EPHA5: variants seen among roughly 807,000 people sequenced by gnomAD.
The protein encoded by EPHA5 is ephrin type-A receptor 5.
EPHA5 carries 60 observed loss-of-function variants against 105.0 expected under a neutral mutation model. The ratio of observed to expected loss-of-function variants is 0.57; its 90% CI spans 0.46 to 0.71. The LOEUF is 0.71. Among genes scored for constraint, EPHA5 ranks in the 30% least tolerant of loss-of-function variants. The pLI, the probability that EPHA5 is intolerant of heterozygous loss-of-function variation, is 0.00. For synonymous variants in EPHA5, 513 were observed against 449.1 expected (o/e 1.14, Z -1.80); for missense variants, 1,218 against 1,274.7 (o/e 0.96, Z 0.68).
At chr4:65,409,040 G>A (rs1722652573) in intron 7 of EPHA5, among the ~76,000 whole-genome samples, 1 of 148,158 alleles carries the variant, frequency 6.7e-6, no homozygotes, top group South Asian at 2.2e-4. Flanking sequence ...GTCCTTTTTA[G>A]GGACATGGAT....
At chr4:65,499,256 T>G (rs1732250339) in intron 3 of EPHA5, among the ~76,000 whole-genome samples, 3 of 151,678 alleles carry the variant, frequency 2.0e-5, no homozygotes, top group South Asian at 4.1e-4. Flanking sequence ...ATAAAATGTA[T>G]CCTTCTTCAT....
intron 3 of EPHA5, among the ~76,000 whole-genome samples, chr4:65,567,769 T>G (rs2149368897): frequency 6.6e-6 from 1 of 151,664 alleles, no homozygotes; most frequent in Admixed American, 6.6e-5. Flanking sequence ...AAAATATGTA[T>G]CAGTGGATCT....
intron 14 of EPHA5, among the ~76,000 whole-genome samples, chr4:65,339,813 G>A (rs1386890957): frequency 6.6e-6 from 1 of 152,038 alleles, no homozygotes; most frequent in East Asian, 1.9e-4. Context: ...CTTGGACTGG[G>A]ACCATGTAGA....
chr4:65,450,910 A>G (rs917156227), intron 5 of EPHA5, among the ~76,000 whole-genome samples: 1 of 152,188 alleles, frequency 6.6e-6, no homozygotes, highest in Admixed American at 6.6e-5. Context: ...TGGAAACATG[A>G]GTAGTACTTT....
chr4:65,335,626 C>A (rs1193729127), intron 15 of EPHA5, among the ~76,000 whole-genome samples: 1 of 149,386 alleles, frequency 6.7e-6, no homozygotes. Flanking sequence ...CTCACCTATC[C>A]TCCAAAATGC....
intron 3 of EPHA5, among the ~76,000 whole-genome samples, chr4:65,590,488 A>T (rs1742529827): frequency 6.6e-6 from 1 of 152,176 alleles, no homozygotes; most frequent in Admixed American, 6.5e-5. Context: ...TGCGAATTAT[A>T]CACTTCCTAG....
chr4:65,349,337 A>T lies in EPHA5; in HGVS notation c.2446-1134T>A, dbSNP rs1407300362. Among the ~76,000 whole-genome samples the T allele has an allele frequency of 3.0e-5, 3 of 101,302 alleles. No individual in the cohort carries two copies. In the East Asian group the frequency reaches 1.7e-3, roughly 58 times the overall value. 66.5% of individuals were successfully genotyped at this position (101,302 alleles called of 152,430 possible). On this transcript the variant is annotated intron_variant, in intron 13 of 16. Transcript: ENST00000613740. The stretch of plus-strand genomic sequence containing the variant: ...TCAAGTTGTTTTTTATGGCATAAAA[A>T]TTGATTTGGAGACTTTCTCTTAGTT...
At chr4:65,487,068 C>A (rs1266539350) in intron 5 of EPHA5, among the ~76,000 whole-genome samples, 1 of 152,172 alleles carries the variant, frequency 6.6e-6, no homozygotes, top group African/African-American at 2.4e-5. Context: ...TAATTGGAAG[C>A]CTCCTGGGGC....
At chr4:65,546,712 C>A (rs796651740) in intron 3 of EPHA5, among the ~76,000 whole-genome samples, 29 of 152,110 alleles carry the variant, frequency 1.9e-4, no homozygotes, top group African/African-American at 6.3e-4. Context: ...ATTTCATCAA[C>A]TAGTAAGAGC....
intron 3 of EPHA5, among the ~76,000 whole-genome samples, chr4:65,587,425 A>C (rs542917160): frequency 6.6e-6 from 1 of 152,256 alleles, no homozygotes; most frequent in South Asian, 2.1e-4. Flanking sequence ...GTTTTAAAAA[A>C]ATCCTGTACT....
chr4:65,428,413 T>C (rs1356489377), intron 5 of EPHA5, among the ~76,000 whole-genome samples: 13 of 152,124 alleles, frequency 8.5e-5, no homozygotes, highest in Non-Finnish European at 8.8e-5. Flanking sequence ...ACACACTTAG[T>C]ACCTAACCAT....
chr4:65,498,743 G>T (rs1377363885), intron 3 of EPHA5, among the ~76,000 whole-genome samples: 2 of 151,670 alleles, frequency 1.3e-5, no homozygotes, highest in African/African-American at 4.8e-5. Context: ...AAATGTGTTG[G>T]AGAAGATAAT....
In EPHA5 at chr4:65,626,365, T is replaced by C. The variant is rs966393279; in HGVS notation, c.246+16998A>G. ...AGAACACAAGAATTGCTTACTTATG[T>C]TTTTCAGAGTCTATAAAAAATATTG... On this transcript the variant is annotated intron_variant, in intron 2 of 16. Transcript: ENST00000613740. Among the ~76,000 whole-genome samples, 74 of 152,284 alleles carry C rather than the reference T, an allele frequency of 4.9e-4. 1 individual carries two copies. Among genetic ancestry groups the C allele is most frequent in the African/African-American group, 1.8e-3 (73 of 41,576 alleles).
At chr4:65,398,022 C>T (rs1721420095) in intron 8 of EPHA5, among the ~76,000 whole-genome samples, 1 of 152,118 alleles carries the variant, frequency 6.6e-6, no homozygotes, top group Admixed American at 6.5e-5. Flanking sequence ...AAGGTAGAAG[C>T]CTCACCACCC....
intron 3 of EPHA5, among the ~76,000 whole-genome samples, chr4:65,569,965 C>T (rs73824313): frequency 0.014 from 2,154 of 151,726 alleles, 56 homozygotes; most frequent in African/African-American, 0.049. Flanking sequence ...ATTTACAGTC[C>T]TAAATTTCTA....
intron 5 of EPHA5, among the ~76,000 whole-genome samples, chr4:65,429,817 C>A (rs1724807099): frequency 6.6e-6 from 1 of 152,048 alleles, no homozygotes; most frequent in Non-Finnish European, 1.5e-5. Flanking sequence ...TCTTCAAAAT[C>A]TGATATTATG....
chr4:65,410,788 T>C (rs1429164006), intron 7 of EPHA5, among the ~76,000 whole-genome samples: 1 of 152,106 alleles, frequency 6.6e-6, no homozygotes, highest in East Asian at 1.9e-4. Flanking sequence ...AAACACAATA[T>C]CATTATTTCC....
intron 3 of EPHA5, among the ~76,000 whole-genome samples, chr4:65,514,395 T>C (rs892483821): frequency 1.3e-5 from 2 of 152,218 alleles, no homozygotes; most frequent in African/African-American, 2.4e-5. Context: ...TGTGACTTGT[T>C]CATCAGCATC....
intron 2 of EPHA5, among the ~76,000 whole-genome samples, chr4:65,606,991 T>C (rs1427230415): frequency 1.3e-5 from 2 of 152,196 alleles, no homozygotes; most frequent in Non-Finnish European, 2.9e-5. Flanking sequence ...TTGAGTCACA[T>C]ATTTTAAATA....
Sources: gnomAD v4.1 joint callset for allele counts (sites outside exome capture counted in the v4.1 genomes callset) on GRCh38, gnomAD v4.1.1 for gene constraint, MANE v1.5 for transcripts, NCBI Gene and HGNC (gene_info 2026-07-23, HGNC 2026-07-21) for gene names.